Variants in SDCCAG8 observed in about 807,000 individuals in gnomAD.
The protein encoded by SDCCAG8 is SHH signaling and ciliogenesis regulator SDCCAG8.
SDCCAG8 carries 74 observed loss-of-function variants against 101.8 expected under a neutral mutation model. The observed-to-expected ratio is 0.73, with a 90% CI of 0.60 to 0.88. SDCCAG8 has a LOEUF of 0.88. Ranked by LOEUF, SDCCAG8 falls within the 40% of genes least tolerant of loss-of-function variation. SDCCAG8 has a pLI of 0.00. For synonymous variants in SDCCAG8, 281 were observed against 292.9 expected (o/e 0.96, Z 0.41); for missense variants, 787 against 822.6 (o/e 0.96, Z 0.53).
intron 16 of SDCCAG8, among the ~76,000 whole-genome samples, chr1:243,431,951 A>C (rs906349710): frequency 8.5e-5 from 13 of 152,246 alleles, no homozygotes; most frequent in Admixed American, 2.0e-4. Context: ...CTTCTGATCG[A>C]AGTGTAACAA....
rs534378115 is a variant in SDCCAG8 at position 243,300,043 on chromosome 1, G to A, written c.676-4670G>A. Among the ~76,000 whole-genome samples, 8 of 151,010 alleles carry A rather than the reference G, an allele frequency of 5.3e-5. No homozygotes were observed. The South Asian group carries it at 1.7e-3, about 32-fold the overall frequency. ...CCACACCCAGCTAATTTTTGTTTTT[G>A]TAGTAGAGACGGGGTTTCACTATGT... On this transcript the variant is annotated intron_variant, in intron 6 of 17. Coordinates refer to ENST00000366541, the MANE Select transcript of SDCCAG8 (RefSeq NM_006642.5).
At chr1:243,280,684 G>T (rs536094429) in intron 4 of SDCCAG8, among the ~76,000 whole-genome samples, 1 of 152,264 alleles carries the variant, frequency 6.6e-6, no homozygotes, top group Admixed American at 6.5e-5. Context: ...ATTCATGTGT[G>T]TCATTTAGAA....
chr1:243,333,893 G>A (rs2074806915), intron 10 of SDCCAG8, among the ~76,000 whole-genome samples: 2 of 152,142 alleles, frequency 1.3e-5, no homozygotes, highest in South Asian at 4.2e-4. Flanking sequence ...GGTGTCTTTA[G>A]CAGTACTATA....
intron 6 of SDCCAG8, among the ~76,000 whole-genome samples, chr1:243,300,491 TC>T (rs1464642663): frequency 6.6e-6 from 1 of 152,210 alleles, no homozygotes; most frequent in Non-Finnish European, 1.5e-5. Flanking sequence ...TCAGTGGCCC[TC>T]CAGTGTTTCT....
At chr1:243,370,583 G>T (rs528953015) in intron 12 of SDCCAG8, among the ~76,000 whole-genome samples, 1 of 152,202 alleles carries the variant, frequency 6.6e-6, no homozygotes, top group East Asian at 1.9e-4. Flanking sequence ...CTGCCGTATT[G>T]TCGCAATGTA....
intron 16 of SDCCAG8, among the ~76,000 whole-genome samples, chr1:243,460,347 C>T (rs1001731677): frequency 2.6e-5 from 4 of 152,018 alleles, no homozygotes; most frequent in African/African-American, 7.2e-5. Context: ...GGAGGATCTC[C>T]GGGAGGATTC....
Position 243,420,383 on chromosome 1 carries a change from T to C in SDCCAG8, c.1853+2307T>C, listed in dbSNP as rs543727348. On this transcript the variant is annotated intron_variant, in intron 15 of 17. Transcript: ENST00000366541. The stretch of plus-strand genomic sequence containing the variant: ...ACACAGTAGCTGCTATTATTTTCAC[T>C]GGTGGCATTTTTAAGGGTCTTGACT... 1.2e-4 allele frequency among the ~76,000 whole-genome samples: 18 copies of C among 152,386 alleles called. 1 individual carries two copies. In the South Asian group the frequency reaches 3.5e-3, roughly 30 times the overall value.
rs1267501590 is a variant in SDCCAG8 at position 243,490,472 on chromosome 1, A to G, written c.2112+1332A>G. Among the ~76,000 whole-genome samples, 4 of 152,222 alleles carry G rather than the reference A, an allele frequency of 2.6e-5. No individual in the cohort carries two copies. The East Asian group carries it at 7.7e-4, about 29-fold the overall frequency. ...GATTCTGGACGACACTACATTTTGA[A>G]AACCTCTGAAGTGTTTGGAGCTGGA... On this transcript the variant is annotated intron_variant, in intron 17 of 17. Transcript: ENST00000366541.
intron 7 of SDCCAG8, 50 bp from the exon 8 acceptor site, chr1:243,307,939 C>A: frequency 1.9e-6 from 3 of 1,607,222 alleles, no homozygotes; most frequent in South Asian, 1.1e-5. Context: ...ATTTTAAAGT[C>A]ATGTAATTTT....
chr1:243,326,391 G>A (rs536472710), intron 9 of SDCCAG8, among the ~76,000 whole-genome samples: 1 of 152,206 alleles, frequency 6.6e-6, no homozygotes, highest in Admixed American at 6.5e-5. Context: ...TTGGATTACA[G>A]GGAGTCAGAA....
chr1:243,467,727 T>G (rs1324390313), intron 16 of SDCCAG8, among the ~76,000 whole-genome samples: 5 of 152,246 alleles, frequency 3.3e-5, no homozygotes, highest in Non-Finnish European at 7.3e-5. Context: ...TAAATCAGAT[T>G]CCACATATAT....
intron 16 of SDCCAG8, among the ~76,000 whole-genome samples, chr1:243,462,722 T>C (rs1246866186): frequency 1.3e-5 from 2 of 152,216 alleles, no homozygotes; most frequent in Non-Finnish European, 2.9e-5. Context: ...GTGCACTGCA[T>C]TTAAACAGCT....
chr1:243,368,584 C>T (rs1333348208), intron 12 of SDCCAG8, among the ~76,000 whole-genome samples: 1 of 152,140 alleles, frequency 6.6e-6, no homozygotes, highest in East Asian at 1.9e-4. Flanking sequence ...TAGAAACATT[C>T]TCTTGGATGA....
chr1:243,286,355 A>T lies in SDCCAG8; in HGVS notation c.504A>T (p.Arg168Ser), dbSNP rs1352149775. 2 of 1,614,028 alleles carry T rather than the reference A, an allele frequency of 1.2e-6. No homozygotes were observed. Among genetic ancestry groups the T allele is most frequent in the East Asian group, 2.2e-5 (1 of 44,878 alleles). Residue 168 changes from arginine to serine, a missense_variant, in exon 5 of 18, where the codon AGA (arginine) becomes AGT (serine). Transcript: ENST00000366541. ...EGLQQQLKSQ[R>S]QEETLREQTL... is the part of the protein sequence containing the mutation. ...TCCAGCAACAGCTAAAATCTCAAAGACAAGAGGAGACACTGAGGGAACAAA... is the reference window on the plus strand; with the variant it reads ...TCCAGCAACAGCTAAAATCTCAAAGTCAAGAGGAGACACTGAGGGAACAAA...
intron 15 of SDCCAG8, among the ~76,000 whole-genome samples, chr1:243,421,434 A>G (rs774557094): frequency 6.6e-6 from 1 of 152,146 alleles, no homozygotes; most frequent in Non-Finnish European, 1.5e-5. Flanking sequence ...ATGTTTTGAA[A>G]TGGTACCTCC....
intron 6 of SDCCAG8, among the ~76,000 whole-genome samples, chr1:243,303,157 T>C (rs572862526): frequency 3.9e-5 from 6 of 152,196 alleles, no homozygotes; most frequent in African/African-American, 1.4e-4. Context: ...TGGAGATGAG[T>C]GCTCCTGAAC....
intron 9 of SDCCAG8, 116 bp downstream of exon 9, chr1:243,317,009 A>T (rs1482603627): frequency 1.6e-5 from 17 of 1,083,008 alleles, no homozygotes; most frequent in Non-Finnish European, 2.3e-5. Flanking sequence ...ACACAAAGTG[A>T]ATTATCAATC....
At chr1:243,276,708 G>A (rs558871936) in intron 4 of SDCCAG8, among the ~76,000 whole-genome samples, 9 of 152,142 alleles carry the variant, frequency 5.9e-5, no homozygotes, top group African/African-American at 9.7e-5. Flanking sequence ...AATTTGACAA[G>A]TGTATAATGA....
At chr1:243,462,240 G>A (rs1161696696) in intron 16 of SDCCAG8, among the ~76,000 whole-genome samples, 1 of 152,224 alleles carries the variant, frequency 6.6e-6, no homozygotes, top group African/African-American at 2.4e-5. Flanking sequence ...AACTGCAGGA[G>A]CTGGGATGCA....
Sources: allele counts gnomAD v4.1 joint callset (sites outside exome capture counted in the v4.1 genomes callset), GRCh38; gene constraint gnomAD v4.1.1; transcripts MANE v1.5; gene names NCBI Gene and HGNC (gene_info 2026-07-23, HGNC 2026-07-21).